CNTNAP2: variants seen among roughly 807,000 people sequenced by gnomAD.
CNTNAP2 encodes the protein contactin associated protein 2.
CNTNAP2 carries 98 observed loss-of-function variants against 155.2 expected under a neutral mutation model. The ratio of observed to expected loss-of-function variants is 0.63; its 90% CI spans 0.54 to 0.75. The LOEUF is 0.75. Among genes scored for constraint, CNTNAP2 ranks in the 30% least tolerant of loss-of-function variants. The probability of loss-of-function intolerance (pLI) is 0.00; values close to 1 mark genes in which losing one functional copy is unlikely to be tolerated. For missense variants in CNTNAP2, 1,727 were observed against 1,688.1 expected (o/e 1.02, Z -0.40); for synonymous variants, 651 against 631.2 (o/e 1.03, Z -0.47).
chr7:147,996,260 A>G (rs1361946177), intron 15 of CNTNAP2, among the ~76,000 whole-genome samples: 2 of 152,232 alleles, frequency 1.3e-5, no homozygotes, highest in African/African-American at 4.8e-5. Context: ...ACCATATCAT[A>G]TTATTGAGTT....
At chr7:148,152,762 T>C (rs2116660265) in intron 17 of CNTNAP2, among the ~76,000 whole-genome samples, 1 of 152,286 alleles carries the variant, frequency 6.6e-6, no homozygotes, top group Non-Finnish European at 1.5e-5. Context: ...GGCTCACGCC[T>C]GTAATCCCAG....
Position 147,606,204 on chromosome 7 carries a change from A to G in CNTNAP2, c.1898-32902A>G, listed in dbSNP as rs989851458. ...GAAGCTTTACTTTCTCACTTACCTA[A>G]GTAAGGGTGGTAATGTTTTAGGCTA... is the stretch of plus-strand genomic sequence containing the variant. On this transcript the variant is annotated intron_variant, in intron 12 of 23. Transcript: ENST00000361727. Among the ~76,000 whole-genome samples, 6 of 152,310 alleles carry G rather than the reference A, an allele frequency of 3.9e-5. 1 individual carries two copies. Among genetic ancestry groups the G allele is most frequent in the Admixed American group, 3.9e-4 (6 of 15,302 alleles).
intron 15 of CNTNAP2, among the ~76,000 whole-genome samples, chr7:148,016,088 T>C (rs1802172207): frequency 2.0e-5 from 3 of 152,200 alleles, no homozygotes; most frequent in Admixed American, 2.0e-4. Flanking sequence ...TTCTATTTCC[T>C]TTGGGCTCCA....
chr7:148,351,892 CAATCTGG>C (rs1004803175), intron 21 of CNTNAP2, among the ~76,000 whole-genome samples: 1 of 152,148 alleles, frequency 6.6e-6, no homozygotes, highest in African/African-American at 2.4e-5. Flanking sequence ...TGCTGTGCTA[CAATCTGG>C]CATTCTCAAT....
intron 23 of CNTNAP2, among the ~76,000 whole-genome samples, 153 bp downstream of exon 23, chr7:148,409,624 A>G (rs975757993): frequency 1.3e-5 from 2 of 151,964 alleles, no homozygotes; most frequent in East Asian, 3.9e-4. Context: ...GTGAAGAAAT[A>G]TAGTAAATAT....
At chr7:146,314,395 C>T (rs530514958) in intron 1 of CNTNAP2, among the ~76,000 whole-genome samples, 2 of 152,018 alleles carry the variant, frequency 1.3e-5, no homozygotes, top group African/African-American at 2.4e-5. Context: ...CTGGAGAGGT[C>T]GGGGTGTTAG....
intron 1 of CNTNAP2, among the ~76,000 whole-genome samples, chr7:146,601,803 G>A (rs897937195): frequency 6.6e-6 from 1 of 151,884 alleles, no homozygotes; most frequent in Non-Finnish European, 1.5e-5. Flanking sequence ...ATTATACATA[G>A]GAAATGGTAT....
intron 17 of CNTNAP2, among the ~76,000 whole-genome samples, chr7:148,166,025 G>A (rs955954325): frequency 4.0e-5 from 6 of 151,670 alleles, no homozygotes; most frequent in Non-Finnish European, 7.4e-5. Flanking sequence ...CTCCATGGAC[G>A]AGCTCATGAT....
intron 4 of CNTNAP2, among the ~76,000 whole-genome samples, chr7:147,061,301 AT>A (rs1415880146): frequency 2.0e-5 from 3 of 152,262 alleles, no homozygotes; most frequent in Non-Finnish European, 2.9e-5. Context: ...AATTAAAAAA[AT>A]GATTAGTCAA....
chr7:148,411,025 A>G (rs1799822725), intron 23 of CNTNAP2, among the ~76,000 whole-genome samples: 1 of 152,154 alleles, frequency 6.6e-6, no homozygotes. Flanking sequence ...AATAAAAACT[A>G]AAAATGTATC....
intron 13 of CNTNAP2, among the ~76,000 whole-genome samples, chr7:147,809,789 C>G (rs1202553132): frequency 1.3e-5 from 2 of 152,212 alleles, no homozygotes; most frequent in Admixed American, 1.3e-4. Context: ...AAAATCTACA[C>G]TGCAGAGACA....
chr7:147,457,805 A>T (rs1275983897), intron 10 of CNTNAP2, among the ~76,000 whole-genome samples: 1 of 151,826 alleles, frequency 6.6e-6, no homozygotes, highest in Non-Finnish European at 1.5e-5. Flanking sequence ...AATACTAAGC[A>T]ATATCTATGC....
intron 13 of CNTNAP2, among the ~76,000 whole-genome samples, chr7:147,661,894 CA>C (rs1426645189): frequency 6.6e-6 from 1 of 152,090 alleles, no homozygotes; most frequent in Non-Finnish European, 1.5e-5. Flanking sequence ...CAGCCTGCAC[CA>C]TGACGTAGCC....
At chr7:147,302,399 A>G (rs1428428382) in intron 9 of CNTNAP2, among the ~76,000 whole-genome samples, 1 of 152,170 alleles carries the variant, frequency 6.6e-6, no homozygotes, top group Non-Finnish European at 1.5e-5. Flanking sequence ...ATGGTGTGCT[A>G]TTTACATCAG....
chr7:147,933,986 T>C, intron 14 of CNTNAP2, among the ~76,000 whole-genome samples: 1 of 152,218 alleles, frequency 6.6e-6, no homozygotes. Flanking sequence ...CATGATTCCA[T>C]TTATGTGAGG....
chr7:148,233,551 T>G (rs73170564), intron 20 of CNTNAP2, among the ~76,000 whole-genome samples: 7,269 of 152,308 alleles, frequency 0.048, 187 homozygotes, highest in African/African-American at 0.057. Context: ...ATATCATTTT[T>G]ATTTTATTTA....
intron 4 of CNTNAP2, among the ~76,000 whole-genome samples, chr7:147,088,289 A>G (rs547250627): frequency 6.6e-6 from 1 of 152,352 alleles, no homozygotes; most frequent in East Asian, 1.9e-4. Context: ...CCTTTAATAG[A>G]AAAAGAAAAT....
chr7:146,156,923 C>T lies in CNTNAP2; in HGVS notation c.97+39950C>T, dbSNP rs139200684. ...AGCTGCTTTACAGCATTTTTATAGA[C>T]GCTCTTCTTTGAACTTACTAAGAGT... On this transcript the variant is annotated intron_variant, in intron 1 of 23. Transcript: ENST00000361727. 4.0e-3 allele frequency among the ~76,000 whole-genome samples: 605 copies of T among 152,296 alleles called. 2 individuals are homozygous for T. The highest frequency in any genetic ancestry group is 6.9e-3 in the Admixed American group (106 of 15,292).
At chr7:147,871,379 TG>T (rs1284515506) in intron 13 of CNTNAP2, among the ~76,000 whole-genome samples, 1 of 152,230 alleles carries the variant, frequency 6.6e-6, no homozygotes, top group Non-Finnish European at 1.5e-5. Flanking sequence ...GATATTTTAC[TG>T]GGCTCGGGCT....
Sources: gnomAD v4.1 joint callset for allele counts (sites outside exome capture counted in the v4.1 genomes callset) on GRCh38, gnomAD v4.1.1 for gene constraint, MANE v1.5 for transcripts, NCBI Gene and HGNC (gene_info 2026-07-23, HGNC 2026-07-21) for gene names.